MED14: variants seen among roughly 807,000 people sequenced by gnomAD.
MED14 encodes the protein mediator of RNA polymerase II transcription subunit 14.
A neutral mutation model predicts 109.0 loss-of-function variants in MED14; 8 were observed. That is an observed-to-expected ratio of 0.07 (90% CI 0.04 to 0.13). MED14 has a LOEUF of 0.13. Ranked by LOEUF, MED14 falls within the 10% of genes least tolerant of loss-of-function variation. The probability of loss-of-function intolerance (pLI) is 1.00; values close to 1 mark genes in which losing one functional copy is unlikely to be tolerated. For missense variants in MED14, 711 were observed against 1,142.4 expected (o/e 0.62, Z 5.44); for synonymous variants, 399 against 408.7 (o/e 0.98, Z 0.29).
chrX:40,695,315 C>G (rs780530091), intron 13 of MED14, among the ~76,000 whole-genome samples: 2 of 111,725 alleles, frequency 1.8e-5, no homozygotes, highest in Non-Finnish European at 3.8e-5. Context: ...ATAAAGCTAA[C>G]CAAAAAAGAA....
intron 1 of MED14, among the ~76,000 whole-genome samples, chrX:40,730,647 T>C (rs1018596003): frequency 8.1e-5 from 9 of 111,499 alleles, no homozygotes; most frequent in African/African-American, 2.9e-4. Flanking sequence ...CTTTGCTGCC[T>C]GCCTCCCCTT....
intron 3 of MED14, among the ~76,000 whole-genome samples, chrX:40,719,455 T>G (rs1931642980): frequency 9.0e-6 from 1 of 111,364 alleles, no homozygotes; most frequent in Admixed American, 9.6e-5. Context: ...TCCATGCAAT[T>G]CAGCCATAAA....
rs888299048 is a variant in MED14 at position 40,735,290 on chromosome X, A to G, written c.123T>C (p.Ala41=). ...GGTAGCCCGGGCTAGCCGCAGCTGC[A>G]GCGGCCGCCGCCACGGCGGCTCCCG... ...PPPGAAVAAA[A]AAAASPGYRL... is the part of the protein sequence containing the mutation. The change falls in exon 1 of 31, where the codon GCT becomes GCC. Residue 41 remains alanine (A), a synonymous_variant. Coordinates refer to ENST00000324817, the MANE Select transcript of MED14 (RefSeq NM_004229.4). 7 of 1,134,404 alleles carry G rather than the reference A, an allele frequency of 6.2e-6. No individual in the cohort carries two copies. The highest frequency in any genetic ancestry group is 3.7e-5 in the East Asian group (1 of 27,388). 93.5% of individuals were successfully genotyped at this position (1,134,404 alleles called of 1,213,427 possible).
rs1932234329 is a variant in MED14, at chrX:40,735,526, G to C, written c.-114C>G. The C allele has an allele frequency of 1.4e-6, 1 of 740,344 alleles. No individual in the cohort carries two copies. The highest frequency in any genetic ancestry group is 2.3e-5 in the South Asian group (1 of 44,285). 61.0% of individuals were successfully genotyped at this position (740,344 alleles called of 1,213,427 possible). ...GGCAGAGTCGCCACCGCCTACCGCC[G>C]GGCCGCCTCAGAACAGGAAGCCGTG... is the stretch of plus-strand genomic sequence containing the variant. On this transcript the variant is annotated 5_prime_UTR_variant, in exon 1 of 31. Coordinates refer to ENST00000324817, the MANE Select transcript of MED14 (RefSeq NM_004229.4).
At chrX:40,717,418 T>C (rs1404747324) in intron 3 of MED14, among the ~76,000 whole-genome samples, 3 of 111,762 alleles carry the variant, frequency 2.7e-5, no homozygotes, top group Non-Finnish European at 3.8e-5. Context: ...TTCTACCCAA[T>C]GCATTTCATA....
chrX:40,692,048 C>A, intron 15 of MED14, 135 bp downstream of exon 15: 1 of 500,206 alleles, frequency 2.0e-6, no homozygotes, highest in Non-Finnish European at 3.2e-6. Context: ...TGATTGTAAC[C>A]CTACCACTCC....
At position 40,651,251 on chromosome X, in the gene MED14, A is replaced by C; in HGVS notation, c.*555T>G. ...TAAGATGTCTCTAGAGTTTATATAC[A>C]CACAAGTGAGTGTCACTGTTTTGTT... On this transcript the variant is annotated 3_prime_UTR_variant, in exon 31 of 31. Coordinates refer to ENST00000324817, the MANE Select transcript of MED14 (RefSeq NM_004229.4). 2 of 754,295 alleles carry C rather than the reference A, an allele frequency of 2.7e-6. No homozygotes were observed. The highest frequency in any genetic ancestry group is 6.7e-5 in the South Asian group (1 of 14,852). The allele number at this position is 754,295 out of a possible 1,213,427, so 62.2% of individuals were successfully genotyped here.
chrX:40,696,228 G>A (rs1006281854), intron 13 of MED14, among the ~76,000 whole-genome samples: 3 of 105,880 alleles, frequency 2.8e-5, no homozygotes, highest in Admixed American at 2.1e-4. Context: ...TCCGCCTCCC[G>A]GGTTCACACC....
intron 15 of MED14, among the ~76,000 whole-genome samples, chrX:40,689,533 A>G (rs1353436643): frequency 9.0e-6 from 1 of 110,763 alleles, no homozygotes; most frequent in Non-Finnish European, 1.9e-5. Flanking sequence ...GTCTCTACTA[A>G]TACAAAAATT....
At chrX:40,708,913 T>C (rs1401550894) in intron 10 of MED14, among the ~76,000 whole-genome samples, 1 of 112,134 alleles carries the variant, frequency 8.9e-6, no homozygotes, top group East Asian at 2.8e-4. Flanking sequence ...TAGAAAAAAG[T>C]TTAAAAATAA....
At chrX:40,697,714 T>C (rs947396286) in intron 12 of MED14, among the ~76,000 whole-genome samples, 2 of 111,369 alleles carry the variant, frequency 1.8e-5, no homozygotes, top group African/African-American at 6.5e-5. Flanking sequence ...TCATATAATA[T>C]GTAAAAAAGG....
intron 22 of MED14, among the ~76,000 whole-genome samples, chrX:40,674,702 G>A (rs1424692997): frequency 8.9e-6 from 1 of 112,126 alleles, no homozygotes; most frequent in African/African-American, 3.2e-5. Flanking sequence ...GGGTCAGTGA[G>A]AGAACAATGG....
intron 11 of MED14, among the ~76,000 whole-genome samples, chrX:40,701,578 T>TTTTA (rs925641446): frequency 9.0e-6 from 1 of 111,708 alleles, no homozygotes; most frequent in African/African-American, 3.3e-5. Context: ...TTTTAAATTA[T>TTTTA]AAGTATTTAA....
intron 13 of MED14, among the ~76,000 whole-genome samples, chrX:40,694,303 T>C (rs191032013): frequency 2.3e-4 from 26 of 111,912 alleles, no homozygotes; most frequent in African/African-American, 8.1e-4. Context: ...ATTCCAGAAG[T>C]TTGGCTCCAG....
chrX:40,671,505 G>T, intron 23 of MED14, among the ~76,000 whole-genome samples: 1 of 112,126 alleles, frequency 8.9e-6, no homozygotes, highest in Middle Eastern at 4.7e-3. Context: ...AACAAGTGTG[G>T]CTTCATTCCA....
chrX:40,702,386 G>A (rs1211610689), intron 11 of MED14, among the ~76,000 whole-genome samples: 13 of 81,027 alleles, frequency 1.6e-4, no homozygotes, highest in Admixed American at 5.2e-4. Context: ...TCGCTCTACC[G>A]CCCAGGCTGG....
At chrX:40,717,358 T>A (rs1200203452) in intron 3 of MED14, among the ~76,000 whole-genome samples, 1 of 111,028 alleles carries the variant, frequency 9.0e-6, no homozygotes, top group African/African-American at 3.3e-5. Context: ...ACACCCATTA[T>A]GAGATACAGG....
intron 10 of MED14, among the ~76,000 whole-genome samples, chrX:40,704,508 A>G (rs1351348603): frequency 1.8e-5 from 2 of 112,241 alleles, no homozygotes; most frequent in Non-Finnish European, 3.8e-5. Flanking sequence ...TTGTCAAACA[A>G]GGAAAATAAC....
At chrX:40,717,327 G>C (rs1233834300) in intron 3 of MED14, among the ~76,000 whole-genome samples, 1 of 108,756 alleles carries the variant, frequency 9.2e-6, no homozygotes, top group Non-Finnish European at 1.9e-5. Context: ...TGCCTAGAAA[G>C]AACATAGAAA....
Sources: gnomAD v4.1 joint callset for allele counts (sites outside exome capture counted in the v4.1 genomes callset) on GRCh38, gnomAD v4.1.1 for gene constraint, MANE v1.5 for transcripts, NCBI Gene and HGNC (gene_info 2026-07-23, HGNC 2026-07-21) for gene names.